CCN6: variants seen among roughly 807,000 people sequenced by gnomAD.
The protein encoded by CCN6 is cellular communication network factor 6, also known as CCN family member 6.
CCN6 carries 31 observed loss-of-function variants against 37.4 expected under a neutral mutation model. That is an observed-to-expected ratio of 0.83 (90% CI 0.62 to 1.12). CCN6 has a LOEUF of 1.12. CCN6 is among the 50% of genes most tolerant of loss of function. CCN6 has a pLI of 0.00. For missense variants in CCN6, 369 were observed against 413.8 expected (o/e 0.89, Z 0.94); for synonymous variants, 137 against 142.1 (o/e 0.96, Z 0.26).
rs1554312810 is a variant in CCN6 at position 112,061,250 on chromosome 6, C to T, written c.308C>T (p.Ser103Leu). 6.2e-7 allele frequency: 1 copy of T among 1,614,086 alleles called. No homozygotes were observed. Among genetic ancestry groups the T allele is most frequent in the Admixed American group, 1.7e-5 (1 of 60,000 alleles). The change falls in exon 2 of 5, where the codon TCA (serine) becomes TTA (leucine). Residue 103 changes from serine to leucine, a missense_variant. Coordinates refer to ENST00000368666, the MANE Select transcript of CCN6 (RefSeq NM_198239.2). Reference protein sequence around the residue: ...DPHKGLYCDYSVDRPRYETGV... With the variant: ...DPHKGLYCDYLVDRPRYETGV... ...CACAAAGGGCTGTATTGTGACTACT[C>T]AGTAGACAGGCCTAGGTACGAGACT...
chr6:112,056,709 G>T (rs1489257449), intron 1 of CCN6, among the ~76,000 whole-genome samples: 1 of 152,104 alleles, frequency 6.6e-6, no homozygotes, highest in Non-Finnish European at 1.5e-5. Context: ...TAGAGATGGG[G>T]TTTTGCCATG....
chr6:112,068,199 T>C lies in CCN6; in HGVS notation c.590-6T>C, dbSNP rs1554314465. 2 of 1,607,538 alleles carry C rather than the reference T, an allele frequency of 1.2e-6. No homozygotes were observed. The highest frequency in any genetic ancestry group is 3.4e-5 in the Admixed American group (2 of 58,990). ...ATACATATGTACTTTTCTCCCTTTG[T>C]TTTAGCTTATAGAAATCTCCCACTT... On this transcript the variant is annotated splice_region_variant and splice_polypyrimidine_tract_variant and intron_variant, in intron 3 of 4. Transcript: ENST00000368666.
At chr6:112,067,533 T>A (rs587676041) in intron 3 of CCN6, among the ~76,000 whole-genome samples, 2 of 152,286 alleles carry the variant, frequency 1.3e-5, no homozygotes, top group African/African-American at 4.8e-5. Flanking sequence ...TGTTTTTTCA[T>A]ATGTAATTCG....
At chr6:112,060,022 T>C (rs782610171) in intron 1 of CCN6, 12 of 1,365,840 alleles carry the variant, frequency 8.8e-6, no homozygotes, top group Non-Finnish European at 1.2e-5. Context: ...CATGAAGATA[T>C]CTAGGGGCAG....
chr6:112,068,163 C>T (rs923943301), intron 3 of CCN6, 42 bp from the exon 4 acceptor site: 42 of 1,407,688 alleles, frequency 3.0e-5, no homozygotes, highest in East Asian at 7.3e-5. Context: ...TATACAAGTA[C>T]ATTTATATGT....
Position 112,060,975 on chromosome 6 carries a change from T to G in CCN6, c.49-16T>G, listed in dbSNP as rs1554312660. 1 of 1,613,812 alleles carries G rather than the reference T, an allele frequency of 6.2e-7. No homozygotes were observed. Among genetic ancestry groups the G allele is most frequent in the Admixed American group, 1.7e-5 (1 of 59,998 alleles). On this transcript the variant is annotated splice_polypyrimidine_tract_variant and intron_variant, in intron 1 of 4. Transcript: ENST00000368666. Reference sequence around the variant, plus strand: ...AGAGAAGCTATTTCTAACATCACCTTTATTATCAAATGAAGTTCTGCTGCA... The same window carrying G: ...AGAGAAGCTATTTCTAACATCACCTGTATTATCAAATGAAGTTCTGCTGCA...
intron 3 of CCN6, among the ~76,000 whole-genome samples, chr6:112,066,512 T>C (rs1554314013): frequency 6.6e-6 from 1 of 152,176 alleles, no homozygotes; most frequent in Non-Finnish European, 1.5e-5. Flanking sequence ...AGTTAGTGTT[T>C]TGTCAGGTAA....
intron 1 of CCN6, among the ~76,000 whole-genome samples, chr6:112,059,621 C>T (rs773210610): frequency 6.6e-6 from 1 of 152,172 alleles, no homozygotes; most frequent in Non-Finnish European, 1.5e-5. Context: ...ATCACATATG[C>T]AAAAATCCCC....
intron 1 of CCN6, chr6:112,054,678 A>G: frequency 4.5e-6 from 2 of 439,912 alleles, no homozygotes; most frequent in South Asian, 2.1e-5. Context: ...GCTTTCCTAT[A>G]TATTTTTATA....
At chr6:112,055,410 T>C (rs1206448604) in intron 1 of CCN6, among the ~76,000 whole-genome samples, 8 of 152,190 alleles carry the variant, frequency 5.3e-5, no homozygotes, top group South Asian at 2.1e-4. Flanking sequence ...CACAGAGAGA[T>C]GTGTACAAAA....
chr6:112,057,722 A>G (rs1554312047), intron 1 of CCN6, among the ~76,000 whole-genome samples: 1 of 152,182 alleles, frequency 6.6e-6, no homozygotes, highest in Non-Finnish European at 1.5e-5. Context: ...ATAGGATGAA[A>G]ACTGAAGGCA....
chr6:112,062,113 T>C (rs1303262678), intron 2 of CCN6, among the ~76,000 whole-genome samples: 1 of 152,136 alleles, frequency 6.6e-6, no homozygotes, highest in Non-Finnish European at 1.5e-5. Flanking sequence ...GTTAAAAATG[T>C]GGGATCTAGG....
At chr6:112,065,577 A>AACACACACACGCACACACACAC (rs1202946904) in intron 3 of CCN6, among the ~76,000 whole-genome samples, 2 of 121,212 alleles carry the variant, frequency 1.7e-5, no homozygotes, top group African/African-American at 6.3e-5. Flanking sequence ...CACACACACA[A>AACACACACACGCACACACACAC]ACACACACAC....
upstream of CCN6, among the ~76,000 whole-genome samples, chr6:112,053,820 T>G: frequency 7.6e-6 from 1 of 131,294 alleles, no homozygotes; most frequent in African/African-American, 2.9e-5. Context: ...CTGCCATTAA[T>G]ATGGAGGGGG....
chr6:112,057,523 G>A (rs939672636), intron 1 of CCN6, among the ~76,000 whole-genome samples: 2 of 152,132 alleles, frequency 1.3e-5, no homozygotes, highest in Non-Finnish European at 2.9e-5. Context: ...CATAGGAGGT[G>A]AGAGGGAGGA....
upstream of CCN6, chr6:112,054,018 C>T (rs1200072910): frequency 2.1e-6 from 1 of 487,190 alleles, no homozygotes; most frequent in African/African-American, 2.0e-5. Context: ...GCAGGCTCTG[C>T]TCTCCAGGAA....
intron 1 of CCN6, among the ~76,000 whole-genome samples, chr6:112,058,865 G>C (rs1776424821): frequency 6.6e-6 from 1 of 152,226 alleles, no homozygotes; most frequent in Admixed American, 6.5e-5. Flanking sequence ...ATGGTTTTCA[G>C]CTTCCTGACT....
intron 1 of CCN6, chr6:112,055,019 T>C (rs782050930): frequency 6.4e-6 from 1 of 156,948 alleles, no homozygotes; most frequent in African/African-American, 2.4e-5. Flanking sequence ...GAGCAATTCA[T>C]TGCCTTAGTC....
chr6:112,055,110 T>C (rs146447875), intron 1 of CCN6, among the ~76,000 whole-genome samples: 78 of 152,358 alleles, frequency 5.1e-4, no homozygotes, highest in Non-Finnish European at 8.7e-4. Context: ...GCTTTTGAAA[T>C]CTGGTGATTT....
Sources: gnomAD v4.1 joint callset for allele counts (sites outside exome capture counted in the v4.1 genomes callset) on GRCh38, gnomAD v4.1.1 for gene constraint, MANE v1.5 for transcripts, NCBI Gene and HGNC (gene_info 2026-07-23, HGNC 2026-07-21) for gene names.